DAGLA: variants seen among roughly 807,000 people sequenced by gnomAD.
DAGLA encodes diacylglycerol lipase-alpha.
DAGLA carries 22 observed loss-of-function variants against 102.6 expected under a neutral mutation model. The observed-to-expected ratio is 0.21, with a 90% CI of 0.15 to 0.31. The LOEUF is 0.31. Among genes scored for constraint, DAGLA ranks in the 10% least tolerant of loss-of-function variants. DAGLA has a pLI of 1.00. For missense variants in DAGLA, 927 were observed against 1,446.6 expected, an observed-to-expected ratio of 0.64 and a Z score of 5.83; for synonymous variants, 578 against 628.9, an observed-to-expected ratio of 0.92 and a Z score of 1.21.
chr11:61,690,731 A>T (rs779607877), intron 1 of DAGLA, among the ~76,000 whole-genome samples: 26 of 152,152 alleles, frequency 1.7e-4, no homozygotes, highest in Non-Finnish European at 3.2e-4. Flanking sequence ...CAGGGTGTGC[A>T]CATTCCCCTC....
At chr11:61,724,464 C>T (rs572981736) in intron 5 of DAGLA, among the ~76,000 whole-genome samples, 25 of 152,308 alleles carry the variant, frequency 1.6e-4, no homozygotes, top group African/African-American at 2.9e-4. Flanking sequence ...GGTCACCTGC[C>T]GTGGGTCTTG....
intron 19 of DAGLA, 30 bp from the exon 20 acceptor site, chr11:61,743,502 T>C: frequency 1.3e-6 from 2 of 1,492,184 alleles, no homozygotes; most frequent in South Asian, 1.3e-5. Context: ...TTCTGAGTCT[T>C]ATACCCCCTG....
intron 9 of DAGLA, among the ~76,000 whole-genome samples, chr11:61,731,984 T>C (rs2065379146): frequency 2.0e-5 from 3 of 152,206 alleles, no homozygotes; most frequent in African/African-American, 7.2e-5. Flanking sequence ...CCAACCTTCT[T>C]CATAGGATCT....
At chr11:61,720,077 C>A in intron 1 of DAGLA, 35 bp from the exon 2 acceptor site, 1 of 1,498,384 alleles carries the variant, frequency 6.7e-7, no homozygotes, top group Non-Finnish European at 9.2e-7. Flanking sequence ...CCTTCACCTC[C>A]TCAGGCAGCT....
chr11:61,724,994 C>T (rs1299641878), intron 5 of DAGLA, among the ~76,000 whole-genome samples: 4 of 152,060 alleles, frequency 2.6e-5, no homozygotes, highest in Non-Finnish European at 4.4e-5. Flanking sequence ...GAGCGGGAAG[C>T]GGTCCTTAGA....
rs539982233 is a variant in DAGLA, at chr11:61,728,885, C to T, written c.772-46C>T. ...GGGCCCCCTTTCCCAGCCATGCAGC[C>T]GGGCCTGGGCCAGTGATTGTCCTTC... On this transcript the variant is annotated intron_variant, in intron 7 of 19. Coordinates refer to ENST00000257215, the MANE Select transcript of DAGLA (RefSeq NM_006133.3). 36 of 1,566,194 alleles carry T rather than the reference C, an allele frequency of 2.3e-5. No homozygotes were observed. In the Admixed American group the frequency reaches 4.2e-4, roughly 18 times the overall value.
chr11:61,740,475 G>T lies in DAGLA; in HGVS notation c.1866G>T (p.Gln622His). The change falls in exon 18 of 20, where the codon CAG becomes CAT. Residue 622 changes from glutamine to histidine, a missense_variant. Coordinates refer to ENST00000257215, the MANE Select transcript of DAGLA (RefSeq NM_006133.3). ...ATGTCCCTCTCAGCTGCTGTGAGCA[G>T]GAGGAGCCCACATACTTTGCCATCT... ...HPAEQCCCCE[Q>H]EEPTYFAIWG... The T allele has an allele frequency of 6.2e-7, 1 of 1,613,690 alleles. No homozygotes were observed. Among genetic ancestry groups the T allele is most frequent in the Non-Finnish European group, 8.5e-7 (1 of 1,179,920 alleles).
rs867365323 is a variant in DAGLA, at chr11:61,726,451, G to A, written c.636+369G>A. Reference sequence around the variant, plus strand: ...AGAAGGCCTGGCAAAGCCGATAGGCGTTTAGCACGGTCCTAGATGGGGACA... The same window carrying A: ...AGAAGGCCTGGCAAAGCCGATAGGCATTTAGCACGGTCCTAGATGGGGACA... On this transcript the variant is annotated intron_variant, in intron 6 of 19. Transcript: ENST00000257215. Among the ~76,000 whole-genome samples the A allele has an allele frequency of 9.2e-5, 14 of 152,362 alleles. No homozygotes were observed. The South Asian group carries it at 1.0e-3, about 11-fold the overall frequency.
intron 4 of DAGLA, 142 bp from the exon 5 acceptor site, chr11:61,723,292 G>T: frequency 8.3e-7 from 1 of 1,209,218 alleles, no homozygotes; most frequent in East Asian, 2.4e-5. Context: ...GCCAGAGACT[G>T]GGACCAGGGG....
chr11:61,708,996 C>T (rs1432971475), intron 1 of DAGLA, among the ~76,000 whole-genome samples: 1 of 152,126 alleles, frequency 6.6e-6, no homozygotes, highest in East Asian at 1.9e-4. Context: ...AGCTGTAGGC[C>T]CAGGTCTCTA....
Position 61,734,851 on chromosome 11 carries a change from G to A in DAGLA, c.977G>A (p.Cys326Tyr), listed in dbSNP as rs2135598286. The A allele has an allele frequency of 6.2e-7, 1 of 1,612,752 alleles. No homozygotes were observed. The highest frequency in any genetic ancestry group is 1.1e-5 in the South Asian group (1 of 91,066). The stretch of plus-strand genomic sequence containing the variant: ...ACTCTCTTGTCACCCCACCCTAGGT[G>A]TTGCCTGTGTCCTGCGAGGCCGCGG... ...GLCQLARSCS[C>Y]CLCPARPRFA... Residue 326 changes from cysteine to tyrosine, a missense_variant and splice_region_variant, in exon 10 of 20, where the codon TGT becomes TAT. Coordinates refer to ENST00000257215, the MANE Select transcript of DAGLA (RefSeq NM_006133.3). This position sits in a 1 kb window ranked among gnomAD's most constrained non-coding sequence, Gnocchi z 4.2.
intron 9 of DAGLA, among the ~76,000 whole-genome samples, chr11:61,732,694 C>T (rs1220997378): frequency 6.6e-6 from 1 of 152,108 alleles, no homozygotes; most frequent in Admixed American, 6.5e-5. Flanking sequence ...AGGGCCCAGC[C>T]AGGCCCCTGC....
chr11:61,722,837 G>A (rs1591042721), intron 3 of DAGLA, 22 bp from the exon 4 acceptor site: 2 of 1,607,006 alleles, frequency 1.2e-6, no homozygotes, highest in Non-Finnish European at 1.7e-6. Flanking sequence ...CCATCCTTCA[G>A]CCAGGCCTGC....
chr11:61,735,710 C>G, intron 11 of DAGLA, 29 bp from the exon 12 acceptor site: 1 of 1,612,848 alleles, frequency 6.2e-7, no homozygotes, highest in Non-Finnish European at 8.5e-7. Flanking sequence ...TCTTTAGCCG[C>G]CCCCTCACCT....
In DAGLA at chr11:61,738,216, C is replaced by T; in HGVS notation, c.1656+9C>T. On this transcript the variant is annotated intron_variant, in intron 16 of 19. Transcript: ENST00000257215. ...GAAGCACCAAGCCCAAAGTGAGCCCCCACCTGGGCACCCTGCCTCTGTGCA... is the reference window on the plus strand; with the variant it reads ...GAAGCACCAAGCCCAAAGTGAGCCCTCACCTGGGCACCCTGCCTCTGTGCA... 1 of 1,610,574 alleles carries T rather than the reference C, an allele frequency of 6.2e-7. No homozygotes were observed. Among genetic ancestry groups the T allele is most frequent in the Non-Finnish European group, 8.5e-7 (1 of 1,178,836 alleles).
At chr11:61,683,347 CT>C (rs2064960296) in intron 1 of DAGLA, among the ~76,000 whole-genome samples, 1 of 152,222 alleles carries the variant, frequency 6.6e-6, no homozygotes, top group Admixed American at 6.5e-5. Context: ...ATTGCAGGTG[CT>C]TCCCTGGTCA....
At chr11:61,713,135 C>T (rs188157795) in intron 1 of DAGLA, among the ~76,000 whole-genome samples, 281 of 152,296 alleles carry the variant, frequency 1.8e-3, no homozygotes, top group African/African-American at 4.0e-3. Context: ...GAATGGGTCC[C>T]GTGCTATCCC....
intron 1 of DAGLA, among the ~76,000 whole-genome samples, chr11:61,700,511 T>A (rs562881040): frequency 1.3e-4 from 20 of 152,304 alleles, no homozygotes; most frequent in Non-Finnish European, 2.4e-4. Flanking sequence ...GCAAGCGTCC[T>A]TTTCTGTCAG....
At chr11:61,715,138 G>A (rs1184582057) in intron 1 of DAGLA, among the ~76,000 whole-genome samples, 1 of 152,196 alleles carries the variant, frequency 6.6e-6, no homozygotes, top group Non-Finnish European at 1.5e-5. Flanking sequence ...GTTTTAGAGT[G>A]CAGGGTCTTA....
Sources: allele counts gnomAD v4.1 joint callset (sites outside exome capture counted in the v4.1 genomes callset), GRCh38; gene constraint gnomAD v4.1.1; non-coding constraint Gnocchi (gnomAD v3.1); transcripts MANE v1.5; gene names NCBI Gene and HGNC (gene_info 2026-07-23, HGNC 2026-07-21).